Variants in ATP10A observed in about 807,000 individuals in gnomAD.
ATP10A encodes the protein ATPase phospholipid transporting 10A (putative).
In ATP10A, 111 loss-of-function variants were observed where a neutral mutation model predicts 147.8. The observed-to-expected ratio is 0.75, with a 90% CI of 0.64 to 0.88. ATP10A has a LOEUF of 0.88. Ranked by LOEUF, ATP10A falls within the 40% of genes least tolerant of loss-of-function variation. The pLI is 0.00. For missense variants in ATP10A, 1,927 were observed against 1,959.0 expected (o/e 0.98, Z 0.31); for synonymous variants, 875 against 841.6 (o/e 1.04, Z -0.69).
intron 1 of ATP10A, among the ~76,000 whole-genome samples, chr15:25,853,544 G>A (rs1016153758): frequency 9.9e-5 from 15 of 152,206 alleles, no homozygotes; most frequent in Admixed American, 6.5e-5. Context: ...CAGTAACCCC[G>A]GTTGTGAGTA....
At chr15:25,730,596 C>T (rs1902922428) in intron 3 of ATP10A, among the ~76,000 whole-genome samples, 1 of 152,166 alleles carries the variant, frequency 6.6e-6, no homozygotes, top group South Asian at 2.1e-4. Flanking sequence ...AGCAAAGATG[C>T]ACCCTTACCA....
At chr15:25,704,706 A>C (rs1442803418) in intron 12 of ATP10A, among the ~76,000 whole-genome samples, 1 of 152,222 alleles carries the variant, frequency 6.6e-6, no homozygotes, top group Non-Finnish European at 1.5e-5. Context: ...TCGGCATGAA[A>C]CATGGCAGAG....
At chr15:25,841,025 C>A (rs751138086) in intron 1 of ATP10A, among the ~76,000 whole-genome samples, 1 of 152,028 alleles carries the variant, frequency 6.6e-6, no homozygotes, top group Non-Finnish European at 1.5e-5. Context: ...GAGTTCTTTA[C>A]GTATTCTAGA....
At chr15:25,734,080 C>T (rs4514649) in intron 3 of ATP10A, among the ~76,000 whole-genome samples, 104,746 of 151,820 alleles carry the variant, frequency 0.69, 38,748 homozygotes, top group Non-Finnish European at 0.84. Context: ...GAGCGCAGGG[C>T]GGAGACACCA....
At chr15:25,820,550 C>A (rs576864245) in intron 1 of ATP10A, among the ~76,000 whole-genome samples, 61 of 152,144 alleles carry the variant, frequency 4.0e-4, no homozygotes, top group African/African-American at 1.4e-3. Flanking sequence ...TGAAAACACA[C>A]AAGAAAACAA....
chr15:25,752,203 C>G (rs1031391400), intron 2 of ATP10A, among the ~76,000 whole-genome samples: 25 of 152,132 alleles, frequency 1.6e-4, no homozygotes, highest in African/African-American at 5.5e-4. Flanking sequence ...AAAGAGATGT[C>G]TGCACTCCCA....
intron 1 of ATP10A, among the ~76,000 whole-genome samples, chr15:25,789,225 T>G (rs560380663): frequency 8.3e-4 from 127 of 152,154 alleles, no homozygotes; most frequent in Non-Finnish European, 1.4e-3. Flanking sequence ...CCTCCCAAAG[T>G]GCTGGGATTA....
chr15:25,727,043 C>T lies in ATP10A; in HGVS notation c.847+117G>A, dbSNP rs527651675. 7.0e-4 allele frequency: 495 copies of T among 706,498 alleles called. 4 individuals carry two copies. In the African/African-American group the frequency reaches 8.0e-3, roughly 11 times the overall value. 43.8% of individuals were successfully genotyped at this position (706,498 alleles called of 1,614,324 possible). On this transcript the variant is annotated intron_variant, in intron 4 of 20. Coordinates refer to ENST00000555815, the MANE Select transcript of ATP10A (RefSeq NM_024490.4). ...CTGCACTCCAGCCTGGGCGACAGTGCGAGACTCGTCTCAAAAAAAAAAAAT... is the reference window on the plus strand; with the variant it reads ...CTGCACTCCAGCCTGGGCGACAGTGTGAGACTCGTCTCAAAAAAAAAAAAT...
chr15:25,740,903 C>T (rs1887549684), intron 2 of ATP10A, among the ~76,000 whole-genome samples: 1 of 152,262 alleles, frequency 6.6e-6, no homozygotes, highest in Admixed American at 6.5e-5. Context: ...ACCATCCCTC[C>T]CAGCACCCAT....
intron 1 of ATP10A, among the ~76,000 whole-genome samples, chr15:25,828,458 AC>A (rs1207827953): frequency 6.6e-6 from 1 of 152,224 alleles, no homozygotes; most frequent in African/African-American, 2.4e-5. Context: ...CTTGGAATGA[AC>A]TTAGAAATGA....
At chr15:25,806,675 T>G (rs1469594664) in intron 1 of ATP10A, among the ~76,000 whole-genome samples, 1 of 152,196 alleles carries the variant, frequency 6.6e-6, no homozygotes, top group South Asian at 2.1e-4. Flanking sequence ...CAGTATATAA[T>G]GCATCTAACG....
intron 1 of ATP10A, among the ~76,000 whole-genome samples, chr15:25,791,207 G>A (rs1890408248): frequency 6.7e-6 from 1 of 149,786 alleles, no homozygotes; most frequent in East Asian, 2.0e-4. Flanking sequence ...AGCCTCCCCA[G>A]TAGCTGGGAT....
chr15:25,784,280 A>G (rs1281541217), intron 1 of ATP10A, among the ~76,000 whole-genome samples: 1 of 151,900 alleles, frequency 6.6e-6, no homozygotes, highest in Non-Finnish European at 1.5e-5. Flanking sequence ...TGGGGTCCCC[A>G]GGAGACCGGG....
At chr15:25,741,418 C>T (rs4906762) in intron 2 of ATP10A, among the ~76,000 whole-genome samples, 32,209 of 152,102 alleles carry the variant, frequency 0.21, 4,202 homozygotes, top group Non-Finnish European at 0.29. Context: ...TTTTAAAGTG[C>T]GGGCTCTTTT....
chr15:25,862,158 T>C, intron 1 of ATP10A: 1 of 423,960 alleles, frequency 2.4e-6, no homozygotes, highest in South Asian at 1.7e-5. Context: ...GCCAGACATA[T>C]CAGCACTTGG....
intron 1 of ATP10A, among the ~76,000 whole-genome samples, chr15:25,850,916 G>C (rs1450928123): frequency 6.6e-6 from 1 of 152,140 alleles, no homozygotes; most frequent in East Asian, 1.9e-4. Flanking sequence ...TCAAATGTGC[G>C]GTGACAGCCT....
intron 3 of ATP10A, among the ~76,000 whole-genome samples, chr15:25,729,716 G>C (rs566836738): frequency 2.0e-5 from 3 of 152,284 alleles, no homozygotes; most frequent in African/African-American, 7.2e-5. Context: ...CTCTGCCTGA[G>C]GTAGCCCGGC....
intron 2 of ATP10A, among the ~76,000 whole-genome samples, chr15:25,774,833 T>C (rs1351591528): frequency 2.0e-5 from 3 of 152,214 alleles, no homozygotes; most frequent in Admixed American, 2.0e-4. Context: ...GAATTAAAAA[T>C]TTAATCTAAA....
At chr15:25,701,775 A>G (rs1900674680) in intron 13 of ATP10A, 141 bp downstream of exon 13, 2 of 771,952 alleles carry the variant, frequency 2.6e-6, no homozygotes, top group Non-Finnish European at 4.0e-6. Context: ...CAAGGCAATA[A>G]CATGCACATC....
Sources: gnomAD v4.1 joint callset for allele counts (sites outside exome capture counted in the v4.1 genomes callset) on GRCh38, gnomAD v4.1.1 for gene constraint, MANE v1.5 for transcripts, NCBI Gene and HGNC (gene_info 2026-07-23, HGNC 2026-07-21) for gene names.